NUP210L: variants seen among roughly 807,000 people sequenced by gnomAD.
NUP210L encodes the protein nucleoporin 210 like, also known as nuclear pore membrane glycoprotein 210-like.
A neutral mutation model predicts 208.5 loss-of-function variants in NUP210L; 74 were observed. The ratio of observed to expected loss-of-function variants is 0.35; its 90% CI spans 0.29 to 0.43. The LOEUF is 0.43. NUP210L is among the 20% of genes least tolerant of loss of function. The pLI is 1.00. For missense variants in NUP210L, 1,843 were observed against 2,289.4 expected (o/e 0.81, Z 3.98); for synonymous variants, 780 against 816.9 (o/e 0.95, Z 0.77).
chr1:154,035,979 G>C (rs868151357), intron 27 of NUP210L, among the ~76,000 whole-genome samples: 21 of 147,636 alleles, frequency 1.4e-4, no homozygotes, highest in African/African-American at 4.8e-4. Flanking sequence ...GTGATCCACC[G>C]GCCTCGGCCT....
At chr1:154,037,150 G>A (rs1324578854) in intron 27 of NUP210L, among the ~76,000 whole-genome samples, 2 of 152,140 alleles carry the variant, frequency 1.3e-5, no homozygotes, top group Non-Finnish European at 2.9e-5. Context: ...GTAGATGAAT[G>A]TGTATTCTGC....
intron 16 of NUP210L, among the ~76,000 whole-genome samples, chr1:154,084,081 C>T (rs1306723758): frequency 6.8e-6 from 1 of 147,396 alleles, no homozygotes. Context: ...ACTCTGTCAC[C>T]CAGGCTGGAG....
chr1:154,019,692 C>T (rs1292517304), intron 32 of NUP210L, among the ~76,000 whole-genome samples: 3 of 151,940 alleles, frequency 2.0e-5, no homozygotes, highest in Non-Finnish European at 2.9e-5. Flanking sequence ...TTTGAGAGGC[C>T]GAGGCTGGAG....
intron 14 of NUP210L, among the ~76,000 whole-genome samples, chr1:154,096,641 TC>T: frequency 6.6e-6 from 1 of 151,668 alleles, no homozygotes; most frequent in South Asian, 2.1e-4. Context: ...ACGCCTGTAA[TC>T]CCAGCTACTT....
At chr1:154,037,338 A>G (rs928252035) in intron 27 of NUP210L, among the ~76,000 whole-genome samples, 1 of 151,898 alleles carries the variant, frequency 6.6e-6, no homozygotes, top group Non-Finnish European at 1.5e-5. Context: ...CTCTAATATT[A>G]TTTGCTTTAT....
chr1:154,135,859 T>A, exon 7 of NUP210L: 1 of 1,613,990 alleles, frequency 6.2e-7, no homozygotes, highest in African/African-American at 1.3e-5. Flanking sequence ...TGTGAGGCAG[T>A]CACCATGGCT....
intron 15 of NUP210L, among the ~76,000 whole-genome samples, chr1:154,091,633 T>C (rs1655919798): frequency 1.3e-5 from 2 of 151,454 alleles, no homozygotes; most frequent in Non-Finnish European, 2.9e-5. Flanking sequence ...CCCAAGTAGC[T>C]GAGATTACAG....
intron 16 of NUP210L, among the ~76,000 whole-genome samples, 186 bp downstream of exon 16, chr1:154,089,235 A>T (rs1232973702): frequency 6.6e-6 from 1 of 152,162 alleles, no homozygotes; most frequent in Non-Finnish European, 1.5e-5. Flanking sequence ...CACTGTTGGT[A>T]AGAATGTAAA....
chr1:154,011,223 ATTTT>A (rs752847076), intron 34 of NUP210L, among the ~76,000 whole-genome samples: 3 of 139,130 alleles, frequency 2.2e-5, no homozygotes, highest in African/African-American at 5.3e-5. Flanking sequence ...CGGTGGCTAG[ATTTT>A]TTTTTTTTTT....
chr1:154,124,235 T>TA (rs202114981), intron 10 of NUP210L, among the ~76,000 whole-genome samples: 45,639 of 136,154 alleles, frequency 0.34, 7,675 homozygotes, highest in Admixed American at 0.46. Context: ...ACGGGGATGG[T>TA]AAAAAAAAAA....
rs770084247 is a variant in NUP210L, at chr1:154,027,097, CAAAAAAA to C, written c.3947+402_3947+408del. Among the ~76,000 whole-genome samples the C allele has an allele frequency of 4.0e-3, 435 of 108,888 alleles. 8 individuals carry two copies. Among genetic ancestry groups the C allele is most frequent in the African/African-American group, 0.013 (360 of 27,118 alleles). 71.4% of individuals were successfully genotyped at this position (108,888 alleles called of 152,430 possible). On this transcript the variant is annotated intron_variant, in intron 29 of 39. Transcript: ENST00000368559. Reference sequence around the variant, plus strand: ...GACTGTCTCAAAAAAAAAAAAAAAACAAAAAAAAAAAAACAAAAAACACAAAACGTTG... The same window carrying C: ...GACTGTCTCAAAAAAAAAAAAAAAACAAAAAACAAAAAACACAAAACGTTG...
chr1:154,130,403 G>T, intron 7 of NUP210L, among the ~76,000 whole-genome samples: 1 of 151,830 alleles, frequency 6.6e-6, no homozygotes, highest in East Asian at 2.0e-4. Context: ...CTCCCAAGTA[G>T]CTGGGACTAT....
rs745416091 is a variant in NUP210L, at chr1:154,089,581, C to T, written c.2201G>A (p.Arg734Gln). 39 of 1,613,920 alleles carry T rather than the reference C, an allele frequency of 2.4e-5. No homozygotes were observed. The highest frequency in any genetic ancestry group is 1.7e-4 in the Middle Eastern group (1 of 6,022). The change falls in exon 16 of 40, where the codon CGA becomes CAA. Residue 734 changes from arginine (R) to glutamine (Q), a missense_variant. Coordinates refer to ENST00000368559, the Ensembl canonical transcript of NUP210L. Reference sequence around the variant, plus strand: ...CAGGACACCTGGATGATTTCCAATTCGGAATGTGAGAACCTTTAAGGAAGT... The same window carrying T: ...CAGGACACCTGGATGATTTCCAATTTGGAATGTGAGAACCTTTAAGGAAGT...
intron 27 of NUP210L, chr1:154,039,801 T>C (rs1190792616): frequency 1.3e-5 from 2 of 152,212 alleles, no homozygotes; most frequent in Non-Finnish European, 2.9e-5. Flanking sequence ...TTAAATCTGC[T>C]TGGTGTTCTA....
intron 27 of NUP210L, among the ~76,000 whole-genome samples, chr1:154,035,802 C>T (rs906902472): frequency 2.0e-5 from 3 of 151,380 alleles, no homozygotes; most frequent in Non-Finnish European, 4.4e-5. Context: ...GGCATGATCT[C>T]GGCTCATTGC....
chr1:154,072,389 G>C (rs1477954937), intron 16 of NUP210L, among the ~76,000 whole-genome samples: 3 of 129,822 alleles, frequency 2.3e-5, no homozygotes, highest in Admixed American at 1.9e-4. Flanking sequence ...CTAGAGTGCA[G>C]TGGTGAGATC....
At chr1:154,100,521 T>C (rs544726746) in intron 13 of NUP210L, among the ~76,000 whole-genome samples, 1 of 141,690 alleles carries the variant, frequency 7.1e-6, no homozygotes, top group East Asian at 2.1e-4. Flanking sequence ...CTTTGTTTTT[T>C]TTTTTTTTTT....
intron 35 of NUP210L, among the ~76,000 whole-genome samples, chr1:154,005,129 G>T (rs1650443276): frequency 6.6e-6 from 1 of 151,884 alleles, no homozygotes; most frequent in African/African-American, 2.4e-5. Context: ...GGGATTACAG[G>T]CATGAGCCAC....
intron 25 of NUP210L, among the ~76,000 whole-genome samples, chr1:154,049,370 C>T (rs754422105): frequency 2.6e-5 from 4 of 152,108 alleles, no homozygotes; most frequent in African/African-American, 7.2e-5. Flanking sequence ...AAATAGGGTA[C>T]GTCCCTAGTA....
Sources: gnomAD v4.1 joint callset for allele counts (sites outside exome capture counted in the v4.1 genomes callset) on GRCh38, gnomAD v4.1.1 for gene constraint, MANE v1.5 for transcripts, NCBI Gene and HGNC (gene_info 2026-07-23, HGNC 2026-07-21) for gene names.